The following GPHN variants were observed in gnomAD, a reference collection of about 807,000 sequenced individuals.
GPHN encodes gephyrin.
GPHN carries 17 observed loss-of-function variants against 95.5 expected under a neutral mutation model. The ratio of observed to expected loss-of-function variants is 0.18; its 90% CI spans 0.12 to 0.27. The LOEUF is 0.27. GPHN is among the 10% of genes least tolerant of loss of function. GPHN has a pLI of 1.00. For missense variants in GPHN, 660 were observed against 978.1 expected, an observed-to-expected ratio of 0.67 and a Z score of 4.34; for synonymous variants, 320 against 322.5, an observed-to-expected ratio of 0.99 and a Z score of 0.08.
At chr14:67,545,388 A>T in the GPHN span, among the ~76,000 whole-genome samples, 3 of 152,224 alleles carry the variant, frequency 2.0e-5, no homozygotes, top group African/African-American at 7.2e-5. Context: ...GAGAGGATAG[A>T]TAATAGGGAA....
At chr14:67,611,941 C>T in the GPHN span, among the ~76,000 whole-genome samples, 4 of 152,282 alleles carry the variant, frequency 2.6e-5, no homozygotes, top group Non-Finnish European at 4.4e-5. Context: ...CGGTCCCATC[C>T]ATGGGTGATG....
chr14:67,143,467 C>T lies in GPHN; in HGVS notation c.1836+18C>T, dbSNP rs957412039. ...GGGAAAAGGTATGAAAGATAGGGCT[C>T]GTGAAAATGTATCTGCTGTAATGTT... On this transcript the variant is annotated intron_variant, in intron 18 of 22. Transcript: ENST00000478722. The T allele has an allele frequency of 1.4e-5, 19 of 1,394,918 alleles. No individual in the cohort carries two copies. Among genetic ancestry groups the T allele is most frequent in the African/African-American group, 2.8e-5 (2 of 70,790 alleles). 86.4% of individuals were successfully genotyped at this position (1,394,918 alleles called of 1,614,324 possible).
At chr14:67,045,425 C>A (rs1419736372) in intron 10 of GPHN, among the ~76,000 whole-genome samples, 1 of 148,638 alleles carries the variant, frequency 6.7e-6, no homozygotes, top group South Asian at 2.2e-4. Flanking sequence ...TCTCTCTTGT[C>A]TTTCTGTCTT....
chr14:67,129,652 A>G (rs932474211), intron 17 of GPHN, among the ~76,000 whole-genome samples: 2 of 152,200 alleles, frequency 1.3e-5, no homozygotes, highest in African/African-American at 4.8e-5. Flanking sequence ...TCCAAGCATA[A>G]AAAGTATTTC....
the GPHN span, among the ~76,000 whole-genome samples, chr14:67,264,613 T>C: frequency 1.3e-5 from 2 of 152,214 alleles, no homozygotes; most frequent in South Asian, 2.1e-4. Flanking sequence ...AGTGTGGAAA[T>C]AAATTTTTTA....
intron 2 of GPHN, among the ~76,000 whole-genome samples, chr14:66,688,732 G>T (rs375583156): frequency 6.6e-6 from 1 of 152,152 alleles, no homozygotes; most frequent in South Asian, 2.1e-4. Flanking sequence ...TTCCAGTACT[G>T]TGTTGAATGA....
At chr14:67,286,334 G>T in the GPHN span, among the ~76,000 whole-genome samples, 1 of 151,926 alleles carries the variant, frequency 6.6e-6, no homozygotes, top group Non-Finnish European at 1.5e-5. Context: ...TATGGGATTG[G>T]GGAAGGGAAT....
At chr14:66,556,429 A>G (rs2060010336) in intron 1 of GPHN, among the ~76,000 whole-genome samples, 2 of 152,288 alleles carry the variant, frequency 1.3e-5, no homozygotes, top group Non-Finnish European at 1.5e-5. Context: ...TGGTTTTTCC[A>G]TCCAGTTCTC....
intron 1 of GPHN, among the ~76,000 whole-genome samples, chr14:66,518,142 C>CAA (rs140918454): frequency 3.8e-4 from 56 of 148,720 alleles, no homozygotes; most frequent in South Asian, 1.5e-3. Flanking sequence ...AAAAACAAAA[C>CAA]AAAAAAAACC....
intron 13 of GPHN, among the ~76,000 whole-genome samples, chr14:67,101,618 G>A (rs2077700618): frequency 6.6e-6 from 1 of 151,452 alleles, no homozygotes; most frequent in Non-Finnish European, 1.5e-5. Context: ...AAAAGGCAAT[G>A]TCTCTGATTT....
At chr14:67,336,818 C>T in the GPHN span, 1 of 454,954 alleles carries the variant, frequency 2.2e-6, no homozygotes, top group Non-Finnish European at 4.4e-6. Context: ...CCAGTCATTA[C>T]TGAATTTACA....
chr14:67,393,254 G>C, the GPHN span: 37 of 1,594,344 alleles, frequency 2.3e-5, 1 homozygote, highest in South Asian at 3.5e-4. Context: ...ACATGGAAGG[G>C]AAGGCAAAGG....
intron 4 of GPHN, among the ~76,000 whole-genome samples, chr14:66,852,608 G>A (rs1004626199): frequency 6.6e-6 from 1 of 152,150 alleles, no homozygotes; most frequent in African/African-American, 2.4e-5. Context: ...GAGAATAAAG[G>A]CACTCAGAAA....
At chr14:66,661,348 A>G (rs1971704694) in intron 1 of GPHN, among the ~76,000 whole-genome samples, 1 of 152,050 alleles carries the variant, frequency 6.6e-6, no homozygotes, top group South Asian at 2.1e-4. Flanking sequence ...GGCGAGTCCA[A>G]ACCAACTGGG....
the GPHN span, among the ~76,000 whole-genome samples, chr14:67,375,278 GTGTGTC>G: frequency 1.6e-4 from 21 of 132,294 alleles, no homozygotes; most frequent in South Asian, 3.2e-3. Context: ...GTGTGTGTGT[GTGTGTC>G]ACAAAGTCTT....
chr14:67,720,858 G>A, the GPHN span: 1 of 152,212 alleles, frequency 6.6e-6, no homozygotes, highest in Admixed American at 6.5e-5. Flanking sequence ...AGGACTGTAT[G>A]CTGTTCTTAA....
the GPHN span, among the ~76,000 whole-genome samples, chr14:67,538,817 C>A: frequency 6.6e-6 from 1 of 152,126 alleles, no homozygotes; most frequent in Non-Finnish European, 1.5e-5. Flanking sequence ...CAGTTCAGAA[C>A]CATGATGTTA....
chr14:67,439,874 G>C, the GPHN span, among the ~76,000 whole-genome samples: 2 of 151,790 alleles, frequency 1.3e-5, no homozygotes, highest in Non-Finnish European at 2.9e-5. Context: ...GTCTCACTCT[G>C]TCCACCCAGG....
chr14:66,856,659 T>C (rs915250899), intron 4 of GPHN, among the ~76,000 whole-genome samples: 9 of 151,998 alleles, frequency 5.9e-5, no homozygotes, highest in Non-Finnish European at 1.3e-4. Flanking sequence ...GGAATAAAAA[T>C]AACAAGGAGA....
Sources: gnomAD v4.1 joint callset for allele counts (sites outside exome capture counted in the v4.1 genomes callset) on GRCh38, gnomAD v4.1.1 for gene constraint, MANE v1.5 for transcripts, NCBI Gene and HGNC (gene_info 2026-07-23, HGNC 2026-07-21) for gene names.